Variants in MAP7 observed in about 807,000 individuals in gnomAD.
MAP7 encodes microtubule associated protein 7.
A neutral mutation model predicts 94.8 loss-of-function variants in MAP7; 52 were observed. That is an observed-to-expected ratio of 0.55 (90% CI 0.44 to 0.69). MAP7 has a LOEUF of 0.69. MAP7 is among the 30% of genes least tolerant of loss of function. The pLI, the probability that MAP7 is intolerant of heterozygous loss-of-function variation, is 0.00. For synonymous variants in MAP7, 350 were observed against 357.0 expected (o/e 0.98, Z 0.22); for missense variants, 940 against 964.6 (o/e 0.97, Z 0.34).
chr6:136,534,171 T>C (rs1479908616), intron 1 of MAP7, among the ~76,000 whole-genome samples: 1 of 152,246 alleles, frequency 6.6e-6, no homozygotes, highest in Non-Finnish European at 1.5e-5. Flanking sequence ...TTTTGGTTGT[T>C]TCTCTGGAGA....
intron 10 of MAP7, among the ~76,000 whole-genome samples, chr6:136,363,381 C>A (rs1327577358): frequency 6.6e-6 from 1 of 152,270 alleles, no homozygotes; most frequent in Non-Finnish European, 1.5e-5. Context: ...TTCTGCACCA[C>A]AGTGAGCAAG....
intron 15 of MAP7, among the ~76,000 whole-genome samples, chr6:136,357,546 G>A (rs1042797690): frequency 9.9e-5 from 15 of 152,162 alleles, no homozygotes; most frequent in African/African-American, 3.6e-4. Context: ...CCAGGCTGCA[G>A]TGCAGTGGTG....
At chr6:136,435,070 CTT>C (rs1279510880) in intron 1 of MAP7, among the ~76,000 whole-genome samples, 4 of 152,190 alleles carry the variant, frequency 2.6e-5, no homozygotes, top group African/African-American at 9.7e-5. Context: ...CAAATAGGCT[CTT>C]TTCTTCTAAA....
rs761214704 is a variant in MAP7 at position 136,388,481 on chromosome 6, T to G, written c.438A>C (p.Thr146=). ...GTTTTGGCTTCTGGCTCCTTTCCAT[T>G]GTGCGCCGTACAACAGCTTCGTGGC... ...KERHEAVVRR[T]MERSQKPKQK... is the part of the protein sequence containing the mutation. Residue 146 remains threonine, a synonymous_variant, in exon 5 of 18, where the codon ACA becomes ACC. Coordinates refer to ENST00000354570, the MANE Select transcript of MAP7 (RefSeq NM_003980.6). 3.0e-5 allele frequency: 48 copies of G among 1,614,024 alleles called. No homozygotes were observed. The highest frequency in any genetic ancestry group is 4.0e-5 in the Non-Finnish European group (47 of 1,180,016).
chr6:136,521,556 CA>C (rs936487089), intron 1 of MAP7, among the ~76,000 whole-genome samples: 1 of 152,154 alleles, frequency 6.6e-6, no homozygotes, highest in Non-Finnish European at 1.5e-5. Flanking sequence ...AGTATAAAGT[CA>C]ATCAGATGAC....
At chr6:136,359,027 A>G (rs2128556116) in intron 15 of MAP7, among the ~76,000 whole-genome samples, 1 of 152,322 alleles carries the variant, frequency 6.6e-6, no homozygotes. Context: ...AAAGCAAACC[A>G]CTTCACAAGG....
chr6:136,377,952 T>C (rs2128623477), intron 6 of MAP7, 84 bp from the exon 7 acceptor site: 2 of 967,016 alleles, frequency 2.1e-6, no homozygotes, highest in Admixed American at 1.9e-5. Context: ...ATTGCTTCCA[T>C]ACGCTGGGCC....
At position 136,383,716 on chromosome 6, in the gene MAP7, G is replaced by A. The variant is rs192535388; in HGVS notation, c.592C>T (p.Arg198Trp). 21 of 1,610,498 alleles carry A rather than the reference G, an allele frequency of 1.3e-5. No individual in the cohort carries two copies. The African/African-American group carries it at 1.3e-4, about 10-fold the overall frequency. The part of the protein sequence containing the change: ...SKYVDPVISK[R>W]LSSSSATLLN... The stretch of plus-strand genomic sequence containing the variant: ...AAAGTTGCAGATGAAGAGGAGAGCC[G>A]CTTGCTAATGACGGGATCAACATAT... The change falls in exon 6 of 18, where the codon CGG (arginine) becomes TGG (tryptophan). Residue 198 changes from arginine (R) to tryptophan (W), a missense_variant. Physicochemically the swap from Arg to Trp is moderately radical, Grantham distance 101. Transcript: ENST00000354570.
At chr6:136,383,872 T>C (rs1778462211) in intron 5 of MAP7, 91 bp from the exon 6 acceptor site, 17 of 747,668 alleles carry the variant, frequency 2.3e-5, no homozygotes, top group Non-Finnish European at 4.0e-5. Flanking sequence ...TAGGATTGGA[T>C]GCTTTCTGCT....
chr6:136,489,737 C>T (rs937224416), intron 1 of MAP7, among the ~76,000 whole-genome samples: 1 of 151,998 alleles, frequency 6.6e-6, no homozygotes, highest in Non-Finnish European at 1.5e-5. Context: ...CCATGTTGGC[C>T]GGGCTGGTCT....
chr6:136,473,910 A>G (rs1809917717), intron 1 of MAP7, among the ~76,000 whole-genome samples: 1 of 152,148 alleles, frequency 6.6e-6, no homozygotes, highest in African/African-American at 2.4e-5. Flanking sequence ...CACTGGATGA[A>G]GACAGATAAT....
At chr6:136,471,567 C>T (rs1042001271) in intron 1 of MAP7, among the ~76,000 whole-genome samples, 3 of 151,970 alleles carry the variant, frequency 2.0e-5, no homozygotes, top group South Asian at 4.2e-4. Context: ...GTTTTTTTAG[C>T]CCAAGTTATA....
intron 1 of MAP7, among the ~76,000 whole-genome samples, chr6:136,543,890 GAAAAT>G (rs940910428): frequency 1.2e-4 from 19 of 152,156 alleles, no homozygotes; most frequent in African/African-American, 4.3e-4. Context: ...ACTAAAAAAA[GAAAAT>G]AAAAGAAAAT....
intron 9 of MAP7, 42 bp downstream of exon 9, chr6:136,366,285 C>T (rs980265986): frequency 2.1e-5 from 31 of 1,491,950 alleles, no homozygotes; most frequent in African/African-American, 2.8e-5. Flanking sequence ...TACTAATTCT[C>T]TAACATGAAA....
chr6:136,389,358 T>C lies in MAP7; in HGVS notation c.404A>G (p.Asp135Gly). 6.5e-7 allele frequency: 1 copy of C among 1,532,046 alleles called. No individual in the cohort carries two copies. The highest frequency in any genetic ancestry group is 8.7e-7 in the Non-Finnish European group (1 of 1,145,898). The allele number at this position is 1,532,046 out of a possible 1,614,324, so 94.9% of individuals were successfully genotyped here. A position where few individuals can be genotyped will look rare whatever the true frequency, so the allele number is the denominator to read the frequency against. ...TCTTCCCGGGGGGCGGCTCACTTTGTCCTCCTCAAGTCTCTGCCTCCGCTT... is the reference window on the plus strand; with the variant it reads ...TCTTCCCGGGGGGCGGCTCACTTTGCCCTCCTCAAGTCTCTGCCTCCGCTT... ...EEKRRQRLEE[D>G]KERHEAVVRR... Residue 135 changes from aspartate (D) to glycine (G), a missense_variant, in exon 4 of 18, where the codon GAC becomes GGC. Asp to Gly is a moderately conservative substitution (Grantham distance 94, BLOSUM62 -1). Coordinates refer to ENST00000354570, the MANE Select transcript of MAP7 (RefSeq NM_003980.6).
At chr6:136,496,777 TAAAAAAA>T (rs1171059105) in intron 1 of MAP7, among the ~76,000 whole-genome samples, 4 of 53,320 alleles carry the variant, frequency 7.5e-5, no homozygotes, top group Admixed American at 2.3e-4. Flanking sequence ...CCGTCTCTAC[TAAAAAAA>T]AAAAAAAAAA....
intron 7 of MAP7, 105 bp from the exon 8 acceptor site, chr6:136,372,730 G>A: frequency 7.1e-7 from 1 of 1,406,854 alleles, no homozygotes; most frequent in Non-Finnish European, 1.0e-6. Flanking sequence ...TCAGGAAAAG[G>A]AGCAAAGCAG....
At chr6:136,526,530 A>G (rs1208298984) in intron 1 of MAP7, 2 of 985,416 alleles carry the variant, frequency 2.0e-6, no homozygotes, top group Admixed American at 6.2e-5. Context: ...AAGGGCCCAG[A>G]GCGGCTCCAT....
chr6:136,499,709 C>T (rs1414523419), intron 1 of MAP7, among the ~76,000 whole-genome samples: 1 of 152,086 alleles, frequency 6.6e-6, no homozygotes, highest in Admixed American at 6.5e-5. Flanking sequence ...TTTTAAAAAA[C>T]CCTGAATGGC....
Sources: allele counts gnomAD v4.1 joint callset (sites outside exome capture counted in the v4.1 genomes callset), GRCh38; gene constraint gnomAD v4.1.1; transcripts MANE v1.5; gene names NCBI Gene and HGNC (gene_info 2026-07-23, HGNC 2026-07-21).